Variants in CFAP58 observed in about 807,000 individuals in gnomAD.
CFAP58 encodes cilia- and flagella-associated protein 58.
A neutral mutation model predicts 119.5 loss-of-function variants in CFAP58; 88 were observed. The ratio of observed to expected loss-of-function variants is 0.74; its 90% confidence interval spans 0.62 to 0.88. The LOEUF (loss-of-function observed/expected upper bound fraction) is 0.88. Among genes scored for constraint, CFAP58 ranks in the 40% least tolerant of loss-of-function variants. The pLI, the probability that CFAP58 is intolerant of heterozygous loss-of-function variation, is 0.00. For missense variants in CFAP58, 990 were observed against 1,021.2 expected, an observed-to-expected ratio of 0.97 and a Z score of 0.42; for synonymous variants, 365 against 366.3, an observed-to-expected ratio of 1.00 and a Z score of 0.04.
chr10:104,380,334 T>C (rs1309200789), intron 9 of CFAP58, 114 bp downstream of exon 9: 19 of 1,055,196 alleles, frequency 1.8e-5, no homozygotes, highest in Non-Finnish European at 2.5e-5. Flanking sequence ...TTGTAATTTG[T>C]GTGAAGATTT....
At chr10:104,354,354 CAT>C (rs1396949856) in intron 1 of CFAP58, among the ~76,000 whole-genome samples, 1 of 152,148 alleles carries the variant, frequency 6.6e-6, no homozygotes, top group African/African-American at 2.4e-5. Context: ...GATTTCCTAA[CAT>C]GTGATCACCT....
chr10:104,450,173 C>T lies in CFAP58; in HGVS notation c.2479C>T (p.Leu827Phe). Residue 827 changes from leucine (L) to phenylalanine (F), a missense_variant, in exon 17 of 18, where the codon CTC (leucine) becomes TTC (phenylalanine). Transcript: ENST00000369704. ...NELQNLKKKY[L>F]AQKRKEQLQK... ...GCTCCAGAATTTAAAGAAGAAATAC[C>T]TCGCTCAGAAACGTAAAGAACAACT... is the stretch of plus-strand genomic sequence containing the variant. The T allele has an allele frequency of 6.2e-7, 1 of 1,613,038 alleles. No homozygotes were observed. The highest frequency in any genetic ancestry group is 8.5e-7 in the Non-Finnish European group (1 of 1,179,724).
At chr10:104,412,838 T>C (rs971319671) in intron 15 of CFAP58, among the ~76,000 whole-genome samples, 3 of 152,186 alleles carry the variant, frequency 2.0e-5, no homozygotes, top group Non-Finnish European at 4.4e-5. Context: ...ATGCTCATTA[T>C]AGACGGACTG....
chr10:104,454,567 T>A lies in CFAP58; in HGVS notation c.*37T>A. 1 of 1,457,324 alleles carries A rather than the reference T, an allele frequency of 6.9e-7. No individual in the cohort carries two copies. The highest frequency in any genetic ancestry group is 9.6e-7 in the Non-Finnish European group (1 of 1,037,840). The allele number at this position is 1,457,324 out of a possible 1,614,324, so 90.3% of individuals were successfully genotyped here. A position where few individuals can be genotyped will look rare whatever the true frequency, so the allele number is the denominator to read the frequency against. Reference sequence around the variant, plus strand: ...TGGCTGTTTCCAGTTGAACAACTCATGAAATCTGCTCTGGGACATTTTGGG... The same window carrying A: ...TGGCTGTTTCCAGTTGAACAACTCAAGAAATCTGCTCTGGGACATTTTGGG... On this transcript the variant is annotated 3_prime_UTR_variant, in exon 18 of 18. Coordinates refer to ENST00000369704, the MANE Select transcript of CFAP58 (RefSeq NM_001008723.2).
At chr10:104,413,128 T>G (rs2133057780) in intron 15 of CFAP58, among the ~76,000 whole-genome samples, 1 of 152,352 alleles carries the variant, frequency 6.6e-6, no homozygotes, top group South Asian at 2.1e-4. Context: ...GTCTAGCAAC[T>G]TATTAAAGGT....
intron 3 of CFAP58, among the ~76,000 whole-genome samples, chr10:104,362,759 T>A (rs72825874): frequency 1.3e-4 from 20 of 152,324 alleles, no homozygotes; most frequent in Non-Finnish European, 2.6e-4. Flanking sequence ...TCTTTCTTTA[T>A]TCCATCATTG....
intron 14 of CFAP58, among the ~76,000 whole-genome samples, chr10:104,405,257 T>C (rs2012340242): frequency 6.6e-6 from 1 of 152,230 alleles, no homozygotes; most frequent in Non-Finnish European, 1.5e-5. Flanking sequence ...AGCATCTCTC[T>C]TTTTCTTTTC....
rs985549875 is a variant in CFAP58, at chr10:104,393,483, C to A, written c.1674+8C>A. ...GAAAAGGAAACATTGAAGGTACTGACCTCATAGTAAAAGCAAAGTACCAAC... is the reference window on the plus strand; with the variant it reads ...GAAAAGGAAACATTGAAGGTACTGAACTCATAGTAAAAGCAAAGTACCAAC... On this transcript the variant is annotated splice_region_variant and intron_variant, in intron 11 of 17. Coordinates refer to ENST00000369704, the MANE Select transcript of CFAP58 (RefSeq NM_001008723.2). The A allele has an allele frequency of 3.1e-6, 5 of 1,607,910 alleles. No homozygotes were observed. Among genetic ancestry groups the A allele is most frequent in the Non-Finnish European group, 3.4e-6 (4 of 1,175,800 alleles).
At chr10:104,408,910 G>A (rs1363203920) in intron 15 of CFAP58, among the ~76,000 whole-genome samples, 11 of 152,244 alleles carry the variant, frequency 7.2e-5, no homozygotes, top group African/African-American at 2.6e-4. Context: ...GACCAGCCTA[G>A]ATAACATGGC....
chr10:104,379,087 T>C (rs1170533856), intron 8 of CFAP58, among the ~76,000 whole-genome samples: 2 of 152,174 alleles, frequency 1.3e-5, no homozygotes, highest in Admixed American at 6.5e-5. Flanking sequence ...ACATTCACAA[T>C]GTTGGGCAAC....
chr10:104,394,431 A>G (rs1481973048), intron 11 of CFAP58, among the ~76,000 whole-genome samples: 1 of 152,220 alleles, frequency 6.6e-6, no homozygotes, highest in East Asian at 1.9e-4. Flanking sequence ...TAGCTTTCAA[A>G]GATAGTCACT....
At chr10:104,378,449 A>G (rs146607274) in intron 8 of CFAP58, among the ~76,000 whole-genome samples, 15 of 152,334 alleles carry the variant, frequency 9.8e-5, no homozygotes, top group African/African-American at 3.6e-4. Context: ...TTTCAGACCT[A>G]TCTGTGGTTC....
intron 1 of CFAP58, among the ~76,000 whole-genome samples, chr10:104,357,751 A>C (rs781742531): frequency 2.9e-4 from 44 of 151,888 alleles, no homozygotes; most frequent in Non-Finnish European, 5.9e-4. Flanking sequence ...AATGTGTATA[A>C]ATGTATAATG....
Position 104,439,704 on chromosome 10 carries a change from T to TAACAACAACAACAACAACAAC in CFAP58, c.2257-7986_2257-7966dup, listed in dbSNP as rs60040374. Among the ~76,000 whole-genome samples the TAACAACAACAACAACAACAAC allele has an allele frequency of 4.0e-3, 610 of 151,290 alleles. 4 individuals carry two copies. Among genetic ancestry groups the TAACAACAACAACAACAACAAC allele is most frequent in the East Asian group, 9.2e-3 (47 of 5,126 alleles). ...TGGATAACAGAGTGAGACTCTGTCT[T>TAACAACAACAACAACAACAAC]AACAACAACAACAACAACAACAACA... On this transcript the variant is annotated intron_variant, in intron 15 of 17. Coordinates refer to ENST00000369704, the MANE Select transcript of CFAP58 (RefSeq NM_001008723.2).
At chr10:104,401,798 C>T (rs1011490046) in intron 13 of CFAP58, among the ~76,000 whole-genome samples, 3 of 150,428 alleles carry the variant, frequency 2.0e-5, no homozygotes, top group African/African-American at 7.3e-5. Flanking sequence ...TTTCAGATGA[C>T]GAAAGCAGTA....
intron 17 of CFAP58, among the ~76,000 whole-genome samples, chr10:104,450,589 G>C (rs2013178185): frequency 6.6e-6 from 1 of 152,188 alleles, no homozygotes; most frequent in African/African-American, 2.4e-5. Context: ...ATGTGCTTTT[G>C]CTAAGGGACC....
chr10:104,417,283 T>C (rs1235083225), intron 15 of CFAP58, among the ~76,000 whole-genome samples: 1 of 152,242 alleles, frequency 6.6e-6, no homozygotes, highest in Non-Finnish European at 1.5e-5. Flanking sequence ...CTCTGAAATA[T>C]GGAGCTCATC....
At chr10:104,410,785 C>T (rs1292431396) in intron 15 of CFAP58, among the ~76,000 whole-genome samples, 2 of 152,126 alleles carry the variant, frequency 1.3e-5, no homozygotes, top group Non-Finnish European at 2.9e-5. Flanking sequence ...CGAATAGTCT[C>T]TTCTTTAGTG....
At chr10:104,408,978 T>A (rs1335838144) in intron 15 of CFAP58, among the ~76,000 whole-genome samples, 2 of 152,142 alleles carry the variant, frequency 1.3e-5, no homozygotes. Flanking sequence ...CGTGCACGTT[T>A]AGTCCCCACT....
Sources: gnomAD v4.1 joint callset for allele counts (sites outside exome capture counted in the v4.1 genomes callset) on GRCh38, gnomAD v4.1.1 for gene constraint, MANE v1.5 for transcripts, NCBI Gene and HGNC (gene_info 2026-07-23, HGNC 2026-07-21) for gene names.